The following NTNG2 variants were observed in gnomAD, a reference collection of about 807,000 sequenced individuals.
NTNG2 encodes netrin-G2.
Under a neutral mutation model 47.6 loss-of-function variants are expected in NTNG2, and 15 were observed. That is an observed-to-expected ratio of 0.32 (90% CI 0.21 to 0.49). NTNG2 has a LOEUF of 0.49. Among genes scored for constraint, NTNG2 ranks in the 20% least tolerant of loss-of-function variants. NTNG2 has a pLI of 0.99. For missense variants in NTNG2, 578 were observed against 764.6 expected (o/e 0.76, Z 2.88); for synonymous variants, 307 against 324.6 (o/e 0.95, Z 0.58).
At chr9:132,168,544 G>A (rs955094069) in intron 2 of NTNG2, among the ~76,000 whole-genome samples, 1 of 152,170 alleles carries the variant, frequency 6.6e-6, no homozygotes, top group Non-Finnish European at 1.5e-5. Context: ...AGGGCCAGCT[G>A]GGGAGAGAGA....
At chr9:132,223,646 G>A (rs1310529484) in intron 3 of NTNG2, among the ~76,000 whole-genome samples, 1 of 152,142 alleles carries the variant, frequency 6.6e-6, no homozygotes, top group Non-Finnish European at 1.5e-5. Flanking sequence ...CTCCAGCCTG[G>A]GTGACAGAGT....
chr9:132,173,993 G>A (rs200667359), intron 2 of NTNG2, among the ~76,000 whole-genome samples: 3 of 147,068 alleles, frequency 2.0e-5, no homozygotes, highest in East Asian at 2.1e-4. Context: ...CAGGCAGGTC[G>A]AACCATGCTA....
At chr9:132,199,181 C>T (rs1838556591) in intron 3 of NTNG2, among the ~76,000 whole-genome samples, 1 of 152,062 alleles carries the variant, frequency 6.6e-6, no homozygotes, top group South Asian at 2.1e-4. Flanking sequence ...GGAGTGGAGC[C>T]TGTCTGGGCA....
intron 2 of NTNG2, among the ~76,000 whole-genome samples, chr9:132,192,902 T>C (rs1305859237): frequency 6.6e-6 from 1 of 152,222 alleles, no homozygotes; most frequent in Non-Finnish European, 1.5e-5. Context: ...GGCTGATTCA[T>C]TAGTTTCTGA....
intron 4 of NTNG2, among the ~76,000 whole-genome samples, chr9:132,228,715 G>A (rs1184901684): frequency 6.6e-6 from 1 of 152,052 alleles, no homozygotes; most frequent in Admixed American, 6.6e-5. Flanking sequence ...ACACCACCAG[G>A]CCCAGCTAAT....
At position 132,162,541 on chromosome 9, in the gene NTNG2, TGTGTGTGTGTGTGTGAGAGAGAGACAGA is replaced by T. The variant is rs1835117862; in HGVS notation, c.-484+318_-484+345del. ...TTTCCGTCGTGTGTGTGAGAGTGTG[TGTGTGTGTGTGTGTGAGAGAGAGACAGA>T]GTGTGTGTGTGTGTGTGTGTGTGTG... On this transcript the variant is annotated intron_variant, in intron 1 of 7. Coordinates refer to ENST00000393229, the MANE Select transcript of NTNG2 (RefSeq NM_032536.4). The surrounding 1 kb of genome is among the most constrained non-coding windows in gnomAD (Gnocchi z 4.6). Among the ~76,000 whole-genome samples the T allele has an allele frequency of 1.0e-4, 11 of 107,016 alleles. No homozygotes were observed. The highest frequency in any genetic ancestry group is 1.7e-4 in the Non-Finnish European group (9 of 53,790). The allele number at this position is 107,016 out of a possible 152,430, so 70.2% of individuals were successfully genotyped here.
intron 2 of NTNG2, among the ~76,000 whole-genome samples, chr9:132,174,397 G>A (rs1488448251): frequency 8.6e-5 from 13 of 151,586 alleles, no homozygotes; most frequent in African/African-American, 3.2e-4. Flanking sequence ...CAGGCAGGCC[G>A]CACCATGCTG....
In NTNG2 at chr9:132,226,995, C is replaced by T. The variant is rs1840810831; in HGVS notation, c.1004C>T (p.Pro335Leu). 3 of 1,609,166 alleles carry T rather than the reference C, an allele frequency of 1.9e-6. No individual in the cohort carries two copies. The highest frequency in any genetic ancestry group is 2.7e-5 in the African/African-American group (2 of 75,022). Residue 335 changes from proline to leucine, a missense_variant, in exon 4 of 8, where the codon CCG (proline) becomes CTG (leucine). Pro to Leu is a moderately conservative substitution (Grantham distance 98). Coordinates refer to ENST00000393229, the MANE Select transcript of NTNG2 (RefSeq NM_032536.4). The surrounding 1 kb of genome is among the most constrained non-coding windows in gnomAD (Gnocchi z 4.8). The part of the protein sequence containing the change: ...TRSWRAGSYL[P>L]LPHGSPNACA... ...TCCTGGCGGGCCGGCTCCTACCTGC[C>T]GCTGCCCCATGGCTCTCCCAACGCC...
chr9:132,187,296 T>G, intron 2 of NTNG2, among the ~76,000 whole-genome samples: 1 of 152,174 alleles, frequency 6.6e-6, no homozygotes, highest in East Asian at 1.9e-4. Flanking sequence ...GGAGGAAAAT[T>G]GCTCCAACCA....
chr9:132,202,728 AC>A (rs1479657943), intron 3 of NTNG2, among the ~76,000 whole-genome samples: 1 of 152,126 alleles, frequency 6.6e-6, no homozygotes, highest in Non-Finnish European at 1.5e-5. Flanking sequence ...CCCAAACCTG[AC>A]CCAGCATCTC....
At chr9:132,237,164 G>T (rs1034252778) in intron 5 of NTNG2, among the ~76,000 whole-genome samples, 4 of 152,212 alleles carry the variant, frequency 2.6e-5, no homozygotes, top group African/African-American at 4.8e-5. Context: ...TCAGAGAGGG[G>T]ACCAAGGGCA....
At chr9:132,172,133 G>A (rs1194299834) in intron 2 of NTNG2, among the ~76,000 whole-genome samples, 4 of 152,206 alleles carry the variant, frequency 2.6e-5, no homozygotes, top group Admixed American at 1.3e-4. Context: ...CTTGGCCCGT[G>A]CTGTCTCCTC....
chr9:132,201,620 T>C (rs1236698857), intron 3 of NTNG2, among the ~76,000 whole-genome samples: 1 of 152,188 alleles, frequency 6.6e-6, no homozygotes, highest in East Asian at 1.9e-4. Flanking sequence ...GATCCTGTTC[T>C]GGGGATTCCC....
rs528239040 is a variant in NTNG2, at chr9:132,208,205, C to T, written c.857+9596C>T. Among the ~76,000 whole-genome samples, 1 of 151,870 alleles carries T rather than the reference C, an allele frequency of 6.6e-6. No individual in the cohort carries two copies. The highest frequency in any genetic ancestry group is 2.1e-4 in the South Asian group (1 of 4,784). On this transcript the variant is annotated intron_variant, in intron 3 of 7. Coordinates refer to ENST00000393229, the MANE Select transcript of NTNG2 (RefSeq NM_032536.4). The surrounding 1 kb of genome is among the most constrained non-coding windows in gnomAD (Gnocchi z 4.0). ...GGGAGGGGGGCTTTGAAGGAGAAAC[C>T]TGAAGGGGGAACGGGGGCACGGCAT...
At chr9:132,172,250 C>T (rs1835982976) in intron 2 of NTNG2, among the ~76,000 whole-genome samples, 3 of 152,176 alleles carry the variant, frequency 2.0e-5, no homozygotes, top group African/African-American at 7.2e-5. Flanking sequence ...CCTCCTCCTC[C>T]AGGAGGCCTT....
chr9:132,181,428 C>T (rs1482705248), intron 2 of NTNG2, among the ~76,000 whole-genome samples: 3 of 152,016 alleles, frequency 2.0e-5, no homozygotes, highest in Non-Finnish European at 4.4e-5. Flanking sequence ...TCAAGCAATC[C>T]TCCTTCCTCA....
At chr9:132,202,413 G>A (rs1224398376) in intron 3 of NTNG2, among the ~76,000 whole-genome samples, 1 of 152,150 alleles carries the variant, frequency 6.6e-6, no homozygotes, top group Non-Finnish European at 1.5e-5. Flanking sequence ...GGGGGCAGGT[G>A]GGCTGCCGGT....
rs2130860607 is a variant in NTNG2, at chr9:132,215,879, GT to G, written c.858-10968del. Among the ~76,000 whole-genome samples the G allele has an allele frequency of 6.6e-6, 1 of 152,228 alleles. No homozygotes were observed. The highest frequency in any genetic ancestry group is 2.4e-5 in the African/African-American group (1 of 41,512). The stretch of plus-strand genomic sequence containing the variant: ...TCCCTCCCTCTATCACCTGTTGGCT[GT>G]TGACAATAGCAACAATAATAATAGC... On this transcript the variant is annotated intron_variant, in intron 3 of 7. Coordinates refer to ENST00000393229, the MANE Select transcript of NTNG2 (RefSeq NM_032536.4). The surrounding 1 kb of genome is among the most constrained non-coding windows in gnomAD (Gnocchi z 4.2).
chr9:132,231,075 T>A lies in NTNG2; in HGVS notation c.1054+480T>A, dbSNP rs1396583162. Among the ~76,000 whole-genome samples, 1 of 152,080 alleles carries A rather than the reference T, an allele frequency of 6.6e-6. No homozygotes were observed. Among genetic ancestry groups the A allele is most frequent in the Non-Finnish European group, 1.5e-5 (1 of 67,992 alleles). ...AGCCTAACCATGGGGGCAGCCTCCC[T>A]CTGGGCAGCCTCTGCAGCCAGCTTG... On this transcript the variant is annotated intron_variant, in intron 5 of 7. Coordinates refer to ENST00000393229, the MANE Select transcript of NTNG2 (RefSeq NM_032536.4). The surrounding 1 kb of genome is among the most constrained non-coding windows in gnomAD (Gnocchi z 4.1).
Sources: allele counts gnomAD v4.1 joint callset (sites outside exome capture counted in the v4.1 genomes callset), GRCh38; gene constraint gnomAD v4.1.1; non-coding constraint Gnocchi (gnomAD v3.1); transcripts MANE v1.5; gene names NCBI Gene and HGNC (gene_info 2026-07-23, HGNC 2026-07-21).